The following CACNA2D3 variants were observed in gnomAD, a reference collection of about 807,000 sequenced individuals.
CACNA2D3 encodes the protein calcium voltage-gated channel auxiliary subunit alpha2delta 3.
In CACNA2D3, 60 loss-of-function variants were observed where a neutral mutation model predicts 160.6. The ratio of observed to expected loss-of-function variants is 0.37; its 90% CI spans 0.30 to 0.46. The LOEUF is 0.46. Among genes scored for constraint, CACNA2D3 ranks in the 20% least tolerant of loss-of-function variants. CACNA2D3 has a pLI of 1.00. For missense variants in CACNA2D3, 1,205 were observed against 1,365.0 expected, an observed-to-expected ratio of 0.88 and a Z score of 1.85; for synonymous variants, 558 against 492.9, an observed-to-expected ratio of 1.13 and a Z score of -1.75.
At chr3:54,385,971 A>G in intron 3 of CACNA2D3, 1 of 506,684 alleles carries the variant, frequency 2.0e-6, no homozygotes, top group Non-Finnish European at 3.9e-6. Context: ...AAGGTGGGAA[A>G]TATCTTATTG....
At chr3:54,848,071 T>C (rs978559204) in intron 17 of CACNA2D3, among the ~76,000 whole-genome samples, 3 of 152,194 alleles carry the variant, frequency 2.0e-5, no homozygotes, top group African/African-American at 7.2e-5. Flanking sequence ...GCAATGGAAA[T>C]GATTAGCTGC....
At chr3:54,308,654 A>G (rs889527893) in intron 2 of CACNA2D3, among the ~76,000 whole-genome samples, 9 of 152,198 alleles carry the variant, frequency 5.9e-5, no homozygotes, top group Non-Finnish European at 1.2e-4. Context: ...CCCTTAACTA[A>G]TAAACTCCTT....
intron 11 of CACNA2D3, among the ~76,000 whole-genome samples, chr3:54,658,697 A>C (rs2106876556): frequency 6.6e-6 from 1 of 152,342 alleles, no homozygotes. Context: ...AACGGATACA[A>C]TCAGCAGAGT....
intron 11 of CACNA2D3, among the ~76,000 whole-genome samples, chr3:54,706,301 G>A (rs1371591226): frequency 6.6e-6 from 1 of 152,210 alleles, no homozygotes; most frequent in African/African-American, 2.4e-5. Flanking sequence ...GGTTAGCCTA[G>A]GGGCTTTATC....
At chr3:54,955,009 G>A (rs1375422943) in intron 27 of CACNA2D3, among the ~76,000 whole-genome samples, 1 of 152,194 alleles carries the variant, frequency 6.6e-6, no homozygotes, top group African/African-American at 2.4e-5. Context: ...GAGAGGTGTA[G>A]AGAAAACTTC....
At chr3:54,816,928 T>G in intron 14 of CACNA2D3, 58 bp downstream of exon 14, 1 of 1,575,434 alleles carries the variant, frequency 6.3e-7, no homozygotes, top group Non-Finnish European at 8.7e-7. Context: ...CATGCATGCC[T>G]CCATGGTGTT....
intron 34 of CACNA2D3, among the ~76,000 whole-genome samples, chr3:55,009,815 TCA>T (rs752007566): frequency 5.3e-5 from 8 of 152,214 alleles, no homozygotes; most frequent in Non-Finnish European, 1.2e-4. Flanking sequence ...ATTTCTGTTT[TCA>T]CAGTTACCCT....
At chr3:54,617,143 G>A (rs1194169646) in intron 9 of CACNA2D3, among the ~76,000 whole-genome samples, 1 of 152,178 alleles carries the variant, frequency 6.6e-6, no homozygotes, top group Non-Finnish European at 1.5e-5. Flanking sequence ...GGAAATGAGT[G>A]CAGTGAGAGC....
chr3:54,624,538 C>T (rs1049300299), intron 9 of CACNA2D3, among the ~76,000 whole-genome samples: 1 of 152,250 alleles, frequency 6.6e-6, no homozygotes, highest in South Asian at 2.1e-4. Context: ...AGGAGAATGG[C>T]GTGAACCCGG....
intron 13 of CACNA2D3, among the ~76,000 whole-genome samples, chr3:54,802,850 T>A (rs999180129): frequency 3.3e-5 from 5 of 152,142 alleles, no homozygotes; most frequent in African/African-American, 1.2e-4. Context: ...CGGGTACTCC[T>A]CTGAGACAAA....
chr3:54,544,329 A>G (rs557191023), intron 5 of CACNA2D3, among the ~76,000 whole-genome samples: 2 of 150,712 alleles, frequency 1.3e-5, no homozygotes, highest in Non-Finnish European at 3.0e-5. Context: ...TTATTATTCT[A>G]TCTTTATATC....
intron 35 of CACNA2D3, among the ~76,000 whole-genome samples, chr3:55,040,923 A>C (rs1703946547): frequency 6.6e-6 from 1 of 152,194 alleles, no homozygotes; most frequent in Non-Finnish European, 1.5e-5. Flanking sequence ...ATAGGTAATC[A>C]TTTTTGGTAG....
At chr3:54,765,958 A>G (rs1702216353) in intron 13 of CACNA2D3, among the ~76,000 whole-genome samples, 1 of 152,138 alleles carries the variant, frequency 6.6e-6, no homozygotes, top group Admixed American at 6.5e-5. Context: ...ATACCCAAGG[A>G]AGAAATCCAA....
chr3:54,677,778 CTTG>C (rs1700271396), intron 11 of CACNA2D3, among the ~76,000 whole-genome samples: 1 of 152,134 alleles, frequency 6.6e-6, no homozygotes, highest in Admixed American at 6.5e-5. Context: ...ATATTGGAAT[CTTG>C]TTGTAGTGAC....
chr3:54,979,504 C>T (rs752605408), intron 29 of CACNA2D3, among the ~76,000 whole-genome samples: 13 of 152,110 alleles, frequency 8.5e-5, no homozygotes, highest in South Asian at 2.1e-4. Flanking sequence ...TAAATTTTTT[C>T]GCAGAAGTAT....
intron 2 of CACNA2D3, among the ~76,000 whole-genome samples, chr3:54,278,529 G>A (rs1236500165): frequency 1.3e-5 from 2 of 152,168 alleles, no homozygotes. Context: ...GTAAAGATGT[G>A]CACACGTATG....
At position 54,675,835 on chromosome 3, in the gene CACNA2D3, G is replaced by C. The variant is rs72870684; in HGVS notation, c.1167+33594G>C. 1.0e-3 allele frequency among the ~76,000 whole-genome samples: 154 copies of C among 152,254 alleles called. 1 individual carries two copies. The highest frequency in any genetic ancestry group is 3.7e-3 in the African/African-American group (153 of 41,550). ...GACCTACAACAGGCAGGCCTGTTCA[G>C]CTTTGTTTGCCTCAGCATTTCCCAA... is the stretch of plus-strand genomic sequence containing the variant. On this transcript the variant is annotated intron_variant, in intron 11 of 37. Coordinates refer to ENST00000474759, the MANE Select transcript of CACNA2D3 (RefSeq NM_018398.3).
intron 27 of CACNA2D3, among the ~76,000 whole-genome samples, chr3:54,902,689 G>A (rs563815660): frequency 6.6e-6 from 1 of 152,312 alleles, no homozygotes; most frequent in Admixed American, 6.5e-5. Context: ...GCAGATCTTG[G>A]ACTGTAAGGT....
At chr3:54,783,713 G>A (rs1702577265) in intron 13 of CACNA2D3, among the ~76,000 whole-genome samples, 1 of 152,166 alleles carries the variant, frequency 6.6e-6, no homozygotes, top group Non-Finnish European at 1.5e-5. Flanking sequence ...ACCCAAGGTA[G>A]GAAACTTTAA....
Sources: gnomAD v4.1 joint callset for allele counts (sites outside exome capture counted in the v4.1 genomes callset) on GRCh38, gnomAD v4.1.1 for gene constraint, MANE v1.5 for transcripts, NCBI Gene and HGNC (gene_info 2026-07-23, HGNC 2026-07-21) for gene names.